Variants in TSHZ2 observed in about 807,000 individuals in gnomAD.
The protein encoded by TSHZ2 is teashirt zinc finger homeobox 2.
A neutral mutation model predicts 74.4 loss-of-function variants in TSHZ2; 21 were observed. That is an observed-to-expected ratio of 0.28 (90% CI 0.20 to 0.41). The LOEUF (loss-of-function observed/expected upper bound fraction) is 0.41. Ranked by LOEUF, TSHZ2 falls within the 10% of genes least tolerant of loss-of-function variation. The pLI, the probability that TSHZ2 is intolerant of heterozygous loss-of-function variation, is 1.00. For synonymous variants in TSHZ2, 540 were observed against 515.3 expected (o/e 1.05, Z -0.65); for missense variants, 1,244 against 1,293.5 (o/e 0.96, Z 0.59).
intron 2 of TSHZ2, among the ~76,000 whole-genome samples, chr20:53,396,763 C>A (rs1982462610): frequency 6.6e-6 from 1 of 150,548 alleles, no homozygotes; most frequent in African/African-American, 2.5e-5. Flanking sequence ...GAGCGGATCA[C>A]TTGAGCCTAG....
intron 1 of TSHZ2, among the ~76,000 whole-genome samples, chr20:53,188,219 G>A (rs1446501710): frequency 1.3e-5 from 2 of 152,176 alleles, no homozygotes; most frequent in African/African-American, 4.8e-5. Flanking sequence ...TCTTTAAGGG[G>A]GAGGGGAGGG....
At chr20:53,479,550 T>C (rs1484116197) in intron 2 of TSHZ2, among the ~76,000 whole-genome samples, 1 of 152,234 alleles carries the variant, frequency 6.6e-6, no homozygotes, top group Non-Finnish European at 1.5e-5. Context: ...ATAACTCCCA[T>C]TAAATTCCAA....
intron 1 of TSHZ2, among the ~76,000 whole-genome samples, chr20:53,135,189 C>G (rs188502451): frequency 6.6e-6 from 1 of 152,186 alleles, no homozygotes; most frequent in Non-Finnish European, 1.5e-5. Flanking sequence ...CTGTGGTATA[C>G]AGTTTTATGA....
At chr20:53,361,441 GTGGGTATAGATC>G (rs1981050197) in intron 2 of TSHZ2, among the ~76,000 whole-genome samples, 1 of 152,220 alleles carries the variant, frequency 6.6e-6, no homozygotes, top group Non-Finnish European at 1.5e-5. Context: ...CTGCTGTGGA[GTGGGTATAGATC>G]TGGCCACAAA....
At chr20:53,338,080 G>C (rs1263241963) in intron 2 of TSHZ2, among the ~76,000 whole-genome samples, 1 of 152,242 alleles carries the variant, frequency 6.6e-6, no homozygotes, top group Non-Finnish European at 1.5e-5. Flanking sequence ...ACACCATAGT[G>C]TGTCCATGAA....
At chr20:53,289,268 A>G (rs1281183667) in intron 2 of TSHZ2, among the ~76,000 whole-genome samples, 1 of 152,228 alleles carries the variant, frequency 6.6e-6, no homozygotes, top group Non-Finnish European at 1.5e-5. Context: ...TTGTGCTGCT[A>G]TAAACACGCA....
chr20:53,162,330 T>G lies in TSHZ2; in HGVS notation c.41-91169T>G, dbSNP rs1030518900. On this transcript the variant is annotated intron_variant, in intron 1 of 2. Transcript: ENST00000371497. ...GGGAGGGAAGGACTGGCTGCCGCAA[T>G]GTTTTGGGTTCGGCCATCCCATTTG... 4.1e-4 allele frequency among the ~76,000 whole-genome samples: 63 copies of G among 152,158 alleles called. 3 individuals are homozygous for G. Among genetic ancestry groups the G allele is most frequent in the Non-Finnish European group, 8.8e-5 (6 of 68,030 alleles).
At chr20:53,119,183 A>G (rs1192615988) in intron 1 of TSHZ2, among the ~76,000 whole-genome samples, 3 of 152,192 alleles carry the variant, frequency 2.0e-5, no homozygotes, top group Non-Finnish European at 2.9e-5. Context: ...TGAGGTATTC[A>G]TCGAGTCTCC....
chr20:53,463,452 A>C (rs1985460686), intron 2 of TSHZ2, among the ~76,000 whole-genome samples: 1 of 144,284 alleles, frequency 6.9e-6, no homozygotes, highest in African/African-American at 2.5e-5. Context: ...GGAGGGAAGG[A>C]AGGAAGGAAG....
At chr20:53,321,682 T>C (rs1362375995) in intron 2 of TSHZ2, among the ~76,000 whole-genome samples, 1 of 5,238 alleles carries the variant, frequency 1.9e-4, no homozygotes, top group Non-Finnish European at 4.3e-4. Flanking sequence ...AGACTCCATC[T>C]CAAAAAAAAA....
intron 1 of TSHZ2, among the ~76,000 whole-genome samples, chr20:53,098,601 G>A (rs1438402044): frequency 1.3e-5 from 2 of 152,138 alleles, no homozygotes; most frequent in Admixed American, 1.3e-4. Flanking sequence ...AATCCACTGT[G>A]TGATGAATTA....
At position 53,488,528 on chromosome 20, in the gene TSHZ2, TCCATCA is replaced by T. The variant is rs1986355940; in HGVS notation, c.*1394_*1399del. On this transcript the variant is annotated 3_prime_UTR_variant, in exon 3 of 3. Coordinates refer to ENST00000371497, the MANE Select transcript of TSHZ2 (RefSeq NM_173485.6). Reference sequence around the variant, plus strand: ...TTGAAAGCAACCTATAATAGATAAATCCATCATTGCATTTAAACAATGAATTTCCTT... The same window carrying T: ...TTGAAAGCAACCTATAATAGATAAATTTGCATTTAAACAATGAATTTCCTT... 6.0e-6 allele frequency: 1 copy of T among 167,628 alleles called. No individual in the cohort carries two copies. The highest frequency in any genetic ancestry group is 2.4e-5 in the African/African-American group (1 of 41,536). The allele number at this position is 167,628 out of a possible 1,614,324, so 10.4% of individuals were successfully genotyped here.
chr20:53,230,181 T>C (rs1288761479), intron 1 of TSHZ2, among the ~76,000 whole-genome samples: 2 of 152,216 alleles, frequency 1.3e-5, no homozygotes, highest in Non-Finnish European at 2.9e-5. Context: ...TATTTATTTA[T>C]TGATGATATC....
chr20:53,116,791 A>G (rs1342029337), intron 1 of TSHZ2, among the ~76,000 whole-genome samples: 2 of 152,106 alleles, frequency 1.3e-5, no homozygotes, highest in African/African-American at 2.4e-5. Flanking sequence ...TCTGCCAACG[A>G]GAAGGTCAAT....
chr20:53,254,582 G>C lies in TSHZ2; in HGVS notation c.1124G>C (p.Cys375Ser). Residue 375 changes from cysteine (C) to serine (S), a missense_variant, in exon 2 of 3, where the codon TGC becomes TCC. By Grantham distance (112) the Cys-to-Ser change is moderately radical. This residue lies in a region of TSHZ2 where 470 missense variants were observed against 456.5 expected (regional missense o/e 1.03). Coordinates refer to ENST00000371497, the MANE Select transcript of TSHZ2 (RefSeq NM_173485.6). ...GASYTWQFEA[C>S]KSQILKCMEC... ...AGCTACACCTGGCAGTTTGAGGCCT[G>C]CAAGTCCCAGATCTTAAAGTGCATG... The C allele has an allele frequency of 6.2e-7, 1 of 1,612,498 alleles. No homozygotes were observed. Among genetic ancestry groups the C allele is most frequent in the Non-Finnish European group, 8.5e-7 (1 of 1,178,604 alleles).
intron 1 of TSHZ2, among the ~76,000 whole-genome samples, chr20:53,039,773 C>G (rs1983967483): frequency 1.2e-5 from 1 of 84,218 alleles, no homozygotes; most frequent in South Asian, 5.2e-4. Flanking sequence ...GAGCTAGACT[C>G]CATCTCAAAC....
At chr20:53,436,551 T>TTA (rs1555865541) in intron 2 of TSHZ2, among the ~76,000 whole-genome samples, 11 of 134,028 alleles carry the variant, frequency 8.2e-5, no homozygotes, top group South Asian at 7.8e-4. Flanking sequence ...TATTATTATT[T>TTA]TTTTTTTTTT....
chr20:53,329,261 A>T (rs535738704), intron 2 of TSHZ2, among the ~76,000 whole-genome samples: 1 of 152,328 alleles, frequency 6.6e-6, no homozygotes, highest in South Asian at 2.1e-4. Context: ...ATCCAGCATT[A>T]TAAGTTTCAA....
intron 1 of TSHZ2, 64 bp from the exon 2 acceptor site, chr20:53,253,435 G>A: frequency 2.0e-6 from 3 of 1,521,484 alleles, no homozygotes; most frequent in Non-Finnish European, 2.6e-6. Context: ...TAGTCTATGT[G>A]AGGAAATTGG....
Sources: gnomAD v4.1 joint callset for allele counts (sites outside exome capture counted in the v4.1 genomes callset) on GRCh38, gnomAD v4.1.1 for gene constraint, gnomAD v4.1.1 regional missense constraint, MANE v1.5 for transcripts, NCBI Gene and HGNC (gene_info 2026-07-23, HGNC 2026-07-21) for gene names.